The following RPS6KB1 variants were observed in gnomAD, a reference collection of about 807,000 sequenced individuals.
RPS6KB1 encodes ribosomal protein S6 kinase beta-1.
Under a neutral mutation model 70.2 loss-of-function variants are expected in RPS6KB1, and 12 were observed. That is an observed-to-expected ratio of 0.17 (90% confidence interval 0.11 to 0.28). The LOEUF (loss-of-function observed/expected upper bound fraction) is 0.28, where lower values mean the gene tolerates loss of function less well. RPS6KB1 is among the 10% of genes least tolerant of loss of function. The pLI, the probability that RPS6KB1 is intolerant of heterozygous loss-of-function variation, is 1.00. For missense variants in RPS6KB1, 270 were observed against 646.6 expected (o/e 0.42, Z 6.32); for synonymous variants, 175 against 211.2 (o/e 0.83, Z 1.49).
In RPS6KB1 at chr17:59,946,069, C is replaced by G. The variant is rs2044908479; in HGVS notation, c.1341-482C>G. Reference sequence around the variant, plus strand: ...TCTAGCAGTGAACGGAAAGAGCCAGCCCTACAAAAATAGGAGGTATAAGAA... The same window carrying G: ...TCTAGCAGTGAACGGAAAGAGCCAGGCCTACAAAAATAGGAGGTATAAGAA... On this transcript the variant is annotated intron_variant, in intron 14 of 14. Coordinates refer to ENST00000225577, the MANE Select transcript of RPS6KB1 (RefSeq NM_003161.4). The surrounding 1 kb of genome is among the most constrained non-coding windows in gnomAD (Gnocchi z 4.2). Among the ~76,000 whole-genome samples the G allele has an allele frequency of 6.6e-6, 1 of 151,996 alleles. No homozygotes were observed. Among genetic ancestry groups the G allele is most frequent in the Non-Finnish European group, 1.5e-5 (1 of 67,996 alleles).
chr17:59,938,699 TTGTGTGTGTGTGTGTGTG>T lies in RPS6KB1; in HGVS notation c.1120-2109_1120-2092del, dbSNP rs58751297. ...TTGATCAGGAGGCATAATGTGTAGT[TTGTGTGTGTGTGTGTGTG>T]TGTGTGTGTGTGTGTGTGTGTGTGT... On this transcript the variant is annotated intron_variant, in intron 12 of 14. Coordinates refer to ENST00000225577, the MANE Select transcript of RPS6KB1 (RefSeq NM_003161.4). Among the ~76,000 whole-genome samples, 24 of 138,168 alleles carry T rather than the reference TTGTGTGTGTGTGTGTGTG, an allele frequency of 1.7e-4. No individual in the cohort carries two copies. The Middle Eastern group carries it at 0.015, about 87-fold the overall frequency. The allele number at this position is 138,168 out of a possible 152,430, so 90.6% of individuals were successfully genotyped here. A position where few individuals can be genotyped will look rare whatever the true frequency, so the allele number is the denominator to read the frequency against.
intron 7 of RPS6KB1, among the ~76,000 whole-genome samples, chr17:59,932,781 G>T (rs1246383728): frequency 1.3e-5 from 2 of 152,070 alleles, no homozygotes; most frequent in Admixed American, 6.6e-5. Context: ...TCAAACTCCT[G>T]AGCTCAATTG....
chr17:59,922,306 G>A (rs562982205), intron 4 of RPS6KB1, among the ~76,000 whole-genome samples: 1 of 152,060 alleles, frequency 6.6e-6, no homozygotes, highest in East Asian at 1.9e-4. Flanking sequence ...CTCCCAAAGT[G>A]TTGAGATTAC....
At position 59,910,551 on chromosome 17, in the gene RPS6KB1, A is replaced by G. The variant is rs554786160; in HGVS notation, c.142-11A>G. ...TTAGATTATTTCTGAAACTTTTAACATATTTTTCAGGGTCAGTTAAATGAA... is the reference window on the plus strand; with the variant it reads ...TTAGATTATTTCTGAAACTTTTAACGTATTTTTCAGGGTCAGTTAAATGAA... On this transcript the variant is annotated splice_polypyrimidine_tract_variant and intron_variant, in intron 1 of 14. Coordinates refer to ENST00000225577, the MANE Select transcript of RPS6KB1 (RefSeq NM_003161.4). 2.1e-5 allele frequency: 33 copies of G among 1,556,980 alleles called. No homozygotes were observed. In the Admixed American group the frequency reaches 4.1e-4, roughly 19 times the overall value.
At position 59,947,469 on chromosome 17, in the gene RPS6KB1, T is replaced by C. The variant is rs2044991879; in HGVS notation, c.*681T>C. 1 of 1,407,950 alleles carries C rather than the reference T, an allele frequency of 7.1e-7. No individual in the cohort carries two copies. Among genetic ancestry groups the C allele is most frequent in the African/African-American group, 1.5e-5 (1 of 67,930 alleles). The allele number at this position is 1,407,950 out of a possible 1,614,324, so 87.2% of individuals were successfully genotyped here. A position where few individuals can be genotyped will look rare whatever the true frequency, so the allele number is the denominator to read the frequency against. On this transcript the variant is annotated 3_prime_UTR_variant, in exon 15 of 15. Coordinates refer to ENST00000225577, the MANE Select transcript of RPS6KB1 (RefSeq NM_003161.4). ...CAAATGAATCATTGTTAACCACAGC[T>C]GTGGCTCGTTTGAGGGATTGGGGTG...
chr17:59,894,171 T>C (rs2041353867), intron 1 of RPS6KB1, among the ~76,000 whole-genome samples: 1 of 152,194 alleles, frequency 6.6e-6, no homozygotes, highest in African/African-American at 2.4e-5. Flanking sequence ...CTTTCCTTGC[T>C]GTAATTTAGG....
At chr17:59,921,444 A>G (rs2043258985) in intron 4 of RPS6KB1, among the ~76,000 whole-genome samples, 1 of 152,188 alleles carries the variant, frequency 6.6e-6, no homozygotes, top group African/African-American at 2.4e-5. Flanking sequence ...AGATGACTAT[A>G]GGCTCCCTTT....
intron 7 of RPS6KB1, among the ~76,000 whole-genome samples, chr17:59,932,638 G>A (rs1260171137): frequency 1.4e-5 from 2 of 145,692 alleles, no homozygotes; most frequent in African/African-American, 2.6e-5. Flanking sequence ...TGCAACCTCC[G>A]CCTCCCAGGC....
intron 13 of RPS6KB1, among the ~76,000 whole-genome samples, chr17:59,943,595 T>A (rs1312297706): frequency 6.6e-6 from 1 of 151,364 alleles, no homozygotes; most frequent in East Asian, 1.9e-4. Context: ...TAAAAAAAAA[T>A]AGGTCAGGTG....
intron 4 of RPS6KB1, among the ~76,000 whole-genome samples, chr17:59,925,656 G>T (rs912544747): frequency 1.3e-5 from 2 of 151,736 alleles, no homozygotes; most frequent in South Asian, 2.1e-4. Context: ...TTGCCCAGAC[G>T]TTCCATTTCC....
rs71145587 is a variant in RPS6KB1, at chr17:59,895,318, C to CTT, written c.141+2013_141+2014dup. Among the ~76,000 whole-genome samples, 1,002 of 106,190 alleles carry CTT rather than the reference C, an allele frequency of 9.4e-3. 41 individuals carry two copies. Among genetic ancestry groups the CTT allele is most frequent in the East Asian group, 0.026 (76 of 2,960 alleles). The allele number at this position is 106,190 out of a possible 152,430, so 69.7% of individuals were successfully genotyped here. A position where few individuals can be genotyped will look rare whatever the true frequency, so the allele number is the denominator to read the frequency against. On this transcript the variant is annotated intron_variant, in intron 1 of 14. Coordinates refer to ENST00000225577, the MANE Select transcript of RPS6KB1 (RefSeq NM_003161.4). ...TACAGGTGTGAGCCACTGCGCCTGG[C>CTT]TTTTTTTTTTTTTTTTTTTTTGAGA...
intron 10 of RPS6KB1, among the ~76,000 whole-genome samples, chr17:59,935,624 G>A (rs1598804373): frequency 6.6e-6 from 1 of 150,994 alleles, no homozygotes; most frequent in Admixed American, 6.6e-5. Context: ...ACAGGCACCC[G>A]CCACCACGCC....
At position 59,946,758 on chromosome 17, in the gene RPS6KB1, A is replaced by G. The variant is rs767396270; in HGVS notation, c.1548A>G (p.Lys516=). ...AACAAGCTTTTCCCATGATCTCCAA[A>G]CGGCCAGAGCACCTGCGTATGAATC... ...YKKQAFPMIS[K]RPEHLRMNL is the part of the protein sequence containing the mutation. Residue 516 remains lysine (K), a synonymous_variant, in exon 15 of 15, where the codon AAA becomes AAG. Coordinates refer to ENST00000225577, the MANE Select transcript of RPS6KB1 (RefSeq NM_003161.4). The surrounding 1 kb of genome is among the most constrained non-coding windows in gnomAD (Gnocchi z 4.2). 2 of 1,613,964 alleles carry G rather than the reference A, an allele frequency of 1.2e-6. No individual in the cohort carries two copies. The highest frequency in any genetic ancestry group is 1.7e-6 in the Non-Finnish European group (2 of 1,179,998).
At chr17:59,936,858 CTTTAT>C (rs540653697) in intron 12 of RPS6KB1, among the ~76,000 whole-genome samples, 25 of 152,062 alleles carry the variant, frequency 1.6e-4, no homozygotes, top group Non-Finnish European at 2.4e-4. Context: ...TCTCCAGCAT[CTTTAT>C]TTTATTTTAT....
intron 4 of RPS6KB1, among the ~76,000 whole-genome samples, chr17:59,924,940 C>T (rs1311433102): frequency 2.0e-5 from 3 of 151,910 alleles, no homozygotes; most frequent in South Asian, 2.1e-4. Flanking sequence ...GCCATTCTCC[C>T]GCCTCAGCCT....
In RPS6KB1 at chr17:59,930,360, T is replaced by C. The variant is rs557497917; in HGVS notation, c.587+186T>C. 4.9e-6 allele frequency: 3 copies of C among 606,462 alleles called. No individual in the cohort carries two copies. In the Admixed American group the frequency reaches 8.5e-5, roughly 17 times the overall value. The allele number at this position is 606,462 out of a possible 1,614,324, so 37.6% of individuals were successfully genotyped here. On this transcript the variant is annotated intron_variant, in intron 6 of 14. Coordinates refer to ENST00000225577, the MANE Select transcript of RPS6KB1 (RefSeq NM_003161.4). ...TCACATCATTCCTTTGCCCTTAGGCTTGAGTGGAACGCTCTTCACACCAGT... is the reference window on the plus strand; with the variant it reads ...TCACATCATTCCTTTGCCCTTAGGCCTGAGTGGAACGCTCTTCACACCAGT...
intron 13 of RPS6KB1, among the ~76,000 whole-genome samples, chr17:59,941,184 CT>C (rs995490727): frequency 1.5e-4 from 22 of 146,848 alleles, no homozygotes; most frequent in East Asian, 3.9e-4. Context: ...GTATGATTCC[CT>C]TTTTTTTTTA....
At chr17:59,916,429 A>G (rs1248224713) in intron 4 of RPS6KB1, among the ~76,000 whole-genome samples, 1 of 151,992 alleles carries the variant, frequency 6.6e-6, no homozygotes, top group Non-Finnish European at 1.5e-5. Flanking sequence ...CGAGTTAAGG[A>G]TTTGTTTCTT....
intron 1 of RPS6KB1, among the ~76,000 whole-genome samples, chr17:59,909,422 C>T (rs905393600): frequency 3.3e-5 from 5 of 150,878 alleles, no homozygotes; most frequent in East Asian, 2.0e-4. Flanking sequence ...CATGCGACAC[C>T]GCACCCGTCT....
Sources: allele counts gnomAD v4.1 joint callset (sites outside exome capture counted in the v4.1 genomes callset), GRCh38; gene constraint gnomAD v4.1.1; non-coding constraint Gnocchi (gnomAD v3.1); transcripts MANE v1.5; gene names NCBI Gene and HGNC (gene_info 2026-07-23, HGNC 2026-07-21).